Variants in SEPSECS observed in about 807,000 individuals in gnomAD.
The protein encoded by SEPSECS is Sep (O-phosphoserine) tRNA:Sec (selenocysteine) tRNA synthase, also known as O-phosphoseryl-tRNA(Sec) selenium transferase.
A neutral mutation model predicts 52.1 loss-of-function variants in SEPSECS; 42 were observed. That is an observed-to-expected ratio of 0.81 (90% CI 0.63 to 1.04). The LOEUF (loss-of-function observed/expected upper bound fraction) is 1.04, where lower values mean the gene tolerates loss of function less well. Ranked by LOEUF, SEPSECS falls within the 50% of genes least tolerant of loss-of-function variation. The probability of loss-of-function intolerance (pLI) is 0.00; values close to 1 mark genes in which losing one functional copy is unlikely to be tolerated. For missense variants in SEPSECS, 590 were observed against 610.6 expected (o/e 0.97, Z 0.36); for synonymous variants, 216 against 211.4 (o/e 1.02, Z -0.19).
chr4:25,155,325 C>A, intron 4 of SEPSECS, 174 bp from the exon 5 acceptor site: 2 of 674,904 alleles, frequency 3.0e-6, no homozygotes, highest in Non-Finnish European at 2.5e-6. Context: ...AAAGGCAGGT[C>A]AAAATAATGT....
intron 1 of SEPSECS, chr4:25,159,902 T>C: frequency 8.5e-7 from 1 of 1,175,914 alleles, no homozygotes; most frequent in Non-Finnish European, 1.1e-6. Context: ...CCATTATGTG[T>C]TCTGAGTCGT....
At chr4:25,154,080 G>A (rs1330826420) in intron 5 of SEPSECS, among the ~76,000 whole-genome samples, 5 of 152,054 alleles carry the variant, frequency 3.3e-5, no homozygotes, top group Non-Finnish European at 5.9e-5. Context: ...AAATTTGAAA[G>A]CTGATTGGTA....
At chr4:25,124,729 C>T (rs945256131) in intron 10 of SEPSECS, among the ~76,000 whole-genome samples, 2 of 151,990 alleles carry the variant, frequency 1.3e-5, no homozygotes, top group Non-Finnish European at 2.9e-5. Context: ...CTGATCAGTG[C>T]TATACAATGG....
chr4:25,125,354 A>T, intron 10 of SEPSECS: 1 of 218,178 alleles, frequency 4.6e-6, no homozygotes, highest in Non-Finnish European at 9.1e-6. Context: ...TTTAGTGATG[A>T]AGATGGCTTA....
At chr4:25,150,403 T>C (rs1712227719) in intron 6 of SEPSECS, among the ~76,000 whole-genome samples, 1 of 152,246 alleles carries the variant, frequency 6.6e-6, no homozygotes, top group South Asian at 2.1e-4. Flanking sequence ...TACCAGATAT[T>C]GTCTTAAGTA....
In SEPSECS at chr4:25,120,711, T is replaced by C. The variant is rs1728089289; in HGVS notation, c.*3220A>G. 6.6e-6 allele frequency: 1 copy of C among 152,164 alleles called. No homozygotes were observed. Among genetic ancestry groups the C allele is most frequent in the East Asian group, 1.9e-4 (1 of 5,200 alleles). 9.4% of individuals were successfully genotyped at this position (152,164 alleles called of 1,614,324 possible). On this transcript the variant is annotated 3_prime_UTR_variant, in exon 11 of 11. Coordinates refer to ENST00000382103, the MANE Select transcript of SEPSECS (RefSeq NM_016955.4). ...GGGAAAAGGAAACCCAACTCTTATA[T>C]GCACCAAATGTGTATGTATTCCAAA... is the stretch of plus-strand genomic sequence containing the variant.
chr4:25,159,930 T>C (rs1474400461), intron 1 of SEPSECS: 2 of 985,366 alleles, frequency 2.0e-6, no homozygotes, highest in East Asian at 1.1e-4. Flanking sequence ...TGGTGAAAGA[T>C]GGAGGTGCGA....
In SEPSECS at chr4:25,145,639, G is replaced by A. The variant is rs572402578; in HGVS notation, c.805-506C>T. On this transcript the variant is annotated intron_variant, in intron 6 of 10. Transcript: ENST00000382103. ...TGGATTCATCCCATGCCTCTCATCT[G>A]TGCTCCTTTTTTTGACAACAAATGT... 1.4e-4 allele frequency among the ~76,000 whole-genome samples: 21 copies of A among 152,244 alleles called. No individual in the cohort carries two copies. In the South Asian group the frequency reaches 4.1e-3, roughly 30 times the overall value.
intron 8 of SEPSECS, among the ~76,000 whole-genome samples, chr4:25,135,470 G>C (rs1728806343): frequency 6.6e-6 from 1 of 152,028 alleles, no homozygotes; most frequent in Non-Finnish European, 1.5e-5. Flanking sequence ...TAGAAGAAAT[G>C]GATAAATTCC....
At chr4:25,143,307 C>G (rs1051455295) in intron 8 of SEPSECS, among the ~76,000 whole-genome samples, 5 of 152,174 alleles carry the variant, frequency 3.3e-5, no homozygotes, top group African/African-American at 1.2e-4. Flanking sequence ...CTACCACTAT[C>G]AAGACATGAA....
Position 25,145,094 on chromosome 4 carries a change from A to C in SEPSECS, c.844T>G (p.Leu282Val). The C allele has an allele frequency of 6.2e-7, 1 of 1,613,962 alleles. No individual in the cohort carries two copies. Among genetic ancestry groups the C allele is most frequent in the African/African-American group, 1.3e-5 (1 of 75,034 alleles). Residue 282 changes from leucine (L) to valine (V), a missense_variant, in exon 7 of 11, where the codon TTG (leucine) becomes GTG (valine). Transcript: ENST00000382103. ...VGRIDAFVQSLDKNFMVPVGG... is the reference protein window; with the variant it reads ...VGRIDAFVQSVDKNFMVPVGG... Reference sequence around the variant, plus strand: ...ACTGGAACCATAAAATTTTTGTCCAAGCTCTGAACAAAAGCATCTATTCTA... The same window carrying C: ...ACTGGAACCATAAAATTTTTGTCCACGCTCTGAACAAAAGCATCTATTCTA...
intron 8 of SEPSECS, among the ~76,000 whole-genome samples, chr4:25,141,752 C>A (rs541207913): frequency 3.3e-5 from 5 of 152,292 alleles, no homozygotes; most frequent in African/African-American, 4.8e-5. Flanking sequence ...GAGGCACGGA[C>A]CTTACTGTGG....
At chr4:25,160,539 G>T, upstream of SEPSECS, 1 of 566,782 alleles carries the variant, frequency 1.8e-6, no homozygotes, top group Non-Finnish European at 3.1e-6. Flanking sequence ...GTGCACATGC[G>T]CAGACCTTCT....
In SEPSECS at chr4:25,159,002, C is replaced by G; in HGVS notation, c.220G>C (p.Glu74Gln). Residue 74 changes from glutamate to glutamine, a missense_variant, in exon 2 of 11, where the codon GAA becomes CAA. Glu to Gln is a conservative substitution (Grantham distance 29). Coordinates refer to ENST00000382103, the MANE Select transcript of SEPSECS (RefSeq NM_016955.4). Reference protein sequence around the residue: ...NNFLGNCGVGEREGRVASALV... With the variant: ...NNFLGNCGVGQREGRVASALV... ...GCGGATGCCACTCTCCCTTCCCTTT[C>G]TCCCACACCACAATTGCCTAAGAAA... 1 of 1,613,864 alleles carries G rather than the reference C, an allele frequency of 6.2e-7. No homozygotes were observed. The highest frequency in any genetic ancestry group is 1.7e-5 in the Admixed American group (1 of 60,018).
intron 6 of SEPSECS, among the ~76,000 whole-genome samples, chr4:25,148,154 C>T (rs1712085822): frequency 6.6e-6 from 1 of 152,020 alleles, no homozygotes; most frequent in Non-Finnish European, 1.5e-5. Context: ...AGATTGAGAC[C>T]ACCCTGGCTA....
Position 25,125,761 on chromosome 4 carries a change from C to T in SEPSECS, c.1144G>A (p.Glu382Lys), listed in dbSNP as rs190476418. ...SLAMTLKTLD[E>K]HRDKAVTQLG... is the part of the protein sequence containing the mutation. Reference sequence around the variant, plus strand: ...TGAGTGACAGCTTTGTCACGGTGTTCATCTAGTGTTTTAAGTGTCATAGCT... The same window carrying T: ...TGAGTGACAGCTTTGTCACGGTGTTTATCTAGTGTTTTAAGTGTCATAGCT... The change falls in exon 10 of 11, where the codon GAA becomes AAA. Residue 382 changes from glutamate to lysine, a missense_variant. Transcript: ENST00000382103. 11 of 1,612,658 alleles carry T rather than the reference C, an allele frequency of 6.8e-6. No homozygotes were observed. In the East Asian group the frequency reaches 2.5e-4, roughly 36 times the overall value.
chr4:25,136,807 T>TA (rs1304424446), intron 8 of SEPSECS, among the ~76,000 whole-genome samples: 1 of 152,068 alleles, frequency 6.6e-6, no homozygotes, highest in Non-Finnish European at 1.5e-5. Context: ...CTACCCAACT[T>TA]CAAACTATAC....
At chr4:25,153,640 A>G (rs1712447952) in intron 5 of SEPSECS, among the ~76,000 whole-genome samples, 1 of 151,990 alleles carries the variant, frequency 6.6e-6, no homozygotes, top group Non-Finnish European at 1.5e-5. Flanking sequence ...CAAAATGTAT[A>G]CTGTATCCAA....
chr4:25,151,956 T>A lies in SEPSECS; in HGVS notation c.804+4A>T, dbSNP rs1479554001. The A allele has an allele frequency of 2.7e-6, 4 of 1,461,166 alleles. No individual in the cohort carries two copies. Among genetic ancestry groups the A allele is most frequent in the Admixed American group, 3.3e-5 (2 of 59,846 alleles). 90.5% of individuals were successfully genotyped at this position (1,461,166 alleles called of 1,614,324 possible). On this transcript the variant is annotated splice_donor_region_variant and intron_variant, in intron 6 of 10. Transcript: ENST00000382103. ...GACATACATATCATTTTAAACTCTC[T>A]TACCTGCTGAATGAGATGCATACAC...
Sources: allele counts gnomAD v4.1 joint callset (sites outside exome capture counted in the v4.1 genomes callset), GRCh38; gene constraint gnomAD v4.1.1; transcripts MANE v1.5; gene names NCBI Gene and HGNC (gene_info 2026-07-23, HGNC 2026-07-21).